GABBR2: variants seen among roughly 807,000 people sequenced by gnomAD.
The protein encoded by GABBR2 is gamma-aminobutyric acid type B receptor subunit 2.
A neutral mutation model predicts 105.6 loss-of-function variants in GABBR2; 23 were observed. The ratio of observed to expected loss-of-function variants is 0.22; its 90% CI spans 0.16 to 0.31. The LOEUF is 0.31. GABBR2 is among the 10% of genes least tolerant of loss of function. GABBR2 has a pLI of 1.00. For missense variants in GABBR2, 734 were observed against 1,245.5 expected (o/e 0.59, Z 6.18); for synonymous variants, 478 against 499.7 (o/e 0.96, Z 0.58).
intron 2 of GABBR2, among the ~76,000 whole-genome samples, chr9:98,552,778 G>A (rs1424952721): frequency 6.6e-6 from 1 of 152,106 alleles, no homozygotes; most frequent in Non-Finnish European, 1.5e-5. Context: ...GAACCTCTTG[G>A]GGAACAATCA....
chr9:98,674,588 C>G (rs1830451057), intron 1 of GABBR2, among the ~76,000 whole-genome samples: 1 of 152,116 alleles, frequency 6.6e-6, no homozygotes, highest in African/African-American at 2.4e-5. Flanking sequence ...GCACCTGGAT[C>G]TCACACACCT....
intron 1 of GABBR2, among the ~76,000 whole-genome samples, chr9:98,629,108 T>C (rs1245430942): frequency 6.6e-6 from 1 of 152,188 alleles, no homozygotes; most frequent in Non-Finnish European, 1.5e-5. Flanking sequence ...GACACACACC[T>C]GGTACAAAAC....
Position 98,499,729 on chromosome 9 carries a change from C to A in GABBR2, c.631-3215G>T, listed in dbSNP as rs1588197291. Among the ~76,000 whole-genome samples, 2 of 152,324 alleles carry A rather than the reference C, an allele frequency of 1.3e-5. 1 individual carries two copies. The highest frequency in any genetic ancestry group is 3.9e-4 in the East Asian group (2 of 5,194). On this transcript the variant is annotated intron_variant, in intron 3 of 18. Coordinates refer to ENST00000259455, the MANE Select transcript of GABBR2 (RefSeq NM_005458.8). ...AGAAAATTTATAAATGCCTAGGTTT[C>A]CTTCTGGAACTGCAGTTATCTCTTG...
At chr9:98,420,214 TG>T (rs747904875) in intron 7 of GABBR2, among the ~76,000 whole-genome samples, 1 of 152,144 alleles carries the variant, frequency 6.6e-6, no homozygotes, top group Non-Finnish European at 1.5e-5. Flanking sequence ...TGGCCCTCCT[TG>T]CCCCTCTGGA....
intron 8 of GABBR2, among the ~76,000 whole-genome samples, chr9:98,401,401 A>G (rs560558697): frequency 2.6e-5 from 4 of 152,292 alleles, no homozygotes; most frequent in African/African-American, 7.2e-5. Flanking sequence ...CGATGGCTCA[A>G]TGAAACCCAA....
rs566338748 is a variant in GABBR2, at chr9:98,597,924, A to G, written c.322-19852T>C. On this transcript the variant is annotated intron_variant, in intron 1 of 18. Coordinates refer to ENST00000259455, the MANE Select transcript of GABBR2 (RefSeq NM_005458.8). ...AACCTCTGCCTCCCGGGTTCAAGCC[A>G]ACTCTACTGCCTCAGCCTTCCAAGT... is the stretch of plus-strand genomic sequence containing the variant. Among the ~76,000 whole-genome samples, 462 of 152,136 alleles carry G rather than the reference A, an allele frequency of 3.0e-3. 3 individuals are homozygous for G. Among genetic ancestry groups the G allele is most frequent in the African/African-American group, 0.01 (435 of 41,514 alleles).
At chr9:98,355,574 A>C (rs1831470217) in intron 13 of GABBR2, among the ~76,000 whole-genome samples, 1 of 152,252 alleles carries the variant, frequency 6.6e-6, no homozygotes, top group South Asian at 2.1e-4. Flanking sequence ...AAAATAAAAA[A>C]AGATCTAAAT....
intron 7 of GABBR2, among the ~76,000 whole-genome samples, chr9:98,425,699 G>A (rs555988134): frequency 1.8e-4 from 27 of 152,320 alleles, no homozygotes; most frequent in African/African-American, 6.5e-4. Context: ...TCAGACAGGT[G>A]AGTCATTGAG....
At chr9:98,326,821 A>G (rs114339515) in intron 13 of GABBR2, among the ~76,000 whole-genome samples, 92 of 152,354 alleles carry the variant, frequency 6.0e-4, no homozygotes, top group African/African-American at 2.1e-3. Context: ...GGCACTCTGT[A>G]TATGTCACCT....
intron 1 of GABBR2, among the ~76,000 whole-genome samples, chr9:98,630,018 C>T (rs939999275): frequency 6.6e-6 from 1 of 151,994 alleles, no homozygotes; most frequent in African/African-American, 2.4e-5. Flanking sequence ...ATTCATGTGC[C>T]TCATGAATAA....
At chr9:98,617,543 T>C (rs1829604198) in intron 1 of GABBR2, among the ~76,000 whole-genome samples, 1 of 152,132 alleles carries the variant, frequency 6.6e-6, no homozygotes, top group Non-Finnish European at 1.5e-5. Flanking sequence ...GACATTGCTG[T>C]GGACCACACA....
intron 1 of GABBR2, among the ~76,000 whole-genome samples, chr9:98,620,061 G>GA (rs1437743382): frequency 6.6e-6 from 1 of 152,200 alleles, no homozygotes; most frequent in Admixed American, 6.5e-5. Context: ...AGTACATGTG[G>GA]ATGTCTGGCC....
chr9:98,602,843 G>A (rs577655671), intron 1 of GABBR2, among the ~76,000 whole-genome samples: 1 of 152,282 alleles, frequency 6.6e-6, no homozygotes. Context: ...ATTCCACAAC[G>A]TGGGGCCATA....
chr9:98,295,254 G>T (rs1202508125), intron 17 of GABBR2, among the ~76,000 whole-genome samples: 1 of 152,234 alleles, frequency 6.6e-6, no homozygotes, highest in Non-Finnish European at 1.5e-5. Flanking sequence ...GTGATGCACT[G>T]CCTTAGCGCT....
At chr9:98,357,335 T>C (rs754135048) in intron 13 of GABBR2, among the ~76,000 whole-genome samples, 26 of 152,202 alleles carry the variant, frequency 1.7e-4, no homozygotes, top group Non-Finnish European at 3.7e-4. Context: ...ATTAAGTAAG[T>C]ATAAATAAAA....
At position 98,454,255 on chromosome 9, in the gene GABBR2, C is replaced by T. The variant is rs1287913915; in HGVS notation, c.1000-38G>A. 7.1e-7 allele frequency: 1 copy of T among 1,417,304 alleles called. No individual in the cohort carries two copies. Among genetic ancestry groups the T allele is most frequent in the South Asian group, 1.1e-5 (1 of 87,186 alleles). 87.8% of individuals were successfully genotyped at this position (1,417,304 alleles called of 1,614,324 possible). On this transcript the variant is annotated intron_variant, in intron 6 of 18. Coordinates refer to ENST00000259455, the MANE Select transcript of GABBR2 (RefSeq NM_005458.8). This position sits in a 1 kb window ranked among gnomAD's most constrained non-coding sequence, Gnocchi z 4.6. ...GGGATTGGGGGAATCCCAAGTTATA[C>T]TCGGCAGGGACATCAGGTGCCTGAT...
chr9:98,650,381 C>T (rs1385442402), intron 1 of GABBR2, among the ~76,000 whole-genome samples: 1 of 152,154 alleles, frequency 6.6e-6, no homozygotes, highest in Non-Finnish European at 1.5e-5. Context: ...ATAGGGTTAA[C>T]TCCATTTACA....
intron 1 of GABBR2, among the ~76,000 whole-genome samples, chr9:98,640,938 C>T (rs1319755782): frequency 1.3e-5 from 2 of 152,122 alleles, no homozygotes; most frequent in African/African-American, 2.4e-5. Context: ...GCCTCAGTTT[C>T]CCCGTTTGCA....
At chr9:98,497,646 G>A (rs959464147) in intron 3 of GABBR2, among the ~76,000 whole-genome samples, 2 of 152,112 alleles carry the variant, frequency 1.3e-5, no homozygotes, top group Non-Finnish European at 2.9e-5. Context: ...CCTTCTCTGG[G>A]CCTCAGTTTC....
Sources: gnomAD v4.1 joint callset for allele counts (sites outside exome capture counted in the v4.1 genomes callset) on GRCh38, gnomAD v4.1.1 for gene constraint, Gnocchi (gnomAD v3.1) non-coding constraint, MANE v1.5 for transcripts, NCBI Gene and HGNC (gene_info 2026-07-23, HGNC 2026-07-21) for gene names.